The following GABRB2 variants were observed in gnomAD, a reference collection of about 807,000 sequenced individuals.
The protein encoded by GABRB2 is gamma-aminobutyric acid type A receptor subunit beta2.
A neutral mutation model predicts 54.7 loss-of-function variants in GABRB2; 16 were observed. That is an observed-to-expected ratio of 0.29 (90% confidence interval 0.20 to 0.44). The LOEUF is 0.44. Among genes scored for constraint, GABRB2 ranks in the 20% least tolerant of loss-of-function variants. The pLI, the probability that GABRB2 is intolerant of heterozygous loss-of-function variation, is 1.00. For synonymous variants in GABRB2, 244 were observed against 233.8 expected (o/e 1.04, Z -0.40); for missense variants, 355 against 644.0 (o/e 0.55, Z 4.86).
intron 4 of GABRB2, among the ~76,000 whole-genome samples, chr5:161,431,757 C>G (rs1314375242): frequency 6.6e-6 from 1 of 152,112 alleles, no homozygotes; most frequent in Non-Finnish European, 1.5e-5. Flanking sequence ...TCCTTAGATT[C>G]ATTTGAAAAT....
intron 9 of GABRB2, 105 bp downstream of exon 9, chr5:161,326,263 T>C: frequency 6.7e-7 from 1 of 1,503,250 alleles, no homozygotes; most frequent in Non-Finnish European, 9.0e-7. Context: ...TGGATACATG[T>C]TCATAGGTTA....
chr5:161,462,332 A>G (rs906177495), intron 3 of GABRB2, among the ~76,000 whole-genome samples: 1 of 152,216 alleles, frequency 6.6e-6, no homozygotes, highest in East Asian at 1.9e-4. Context: ...GAATTATATA[A>G]CTAGAAAACA....
chr5:161,514,112 G>T (rs569803122), intron 3 of GABRB2, among the ~76,000 whole-genome samples: 1 of 152,220 alleles, frequency 6.6e-6, no homozygotes, highest in South Asian at 2.1e-4. Flanking sequence ...CTTCATGATC[G>T]CAGCTCCAGG....
At position 161,533,496 on chromosome 5, in the gene GABRB2, T is replaced by A. The variant is rs190397534; in HGVS notation, c.237+11731A>T. On this transcript the variant is annotated intron_variant, in intron 3 of 9. Transcript: ENST00000393959. ...ATAGCTGTATAAATATGAGTTAGAG[T>A]CATATAAAGCTTAAAAAATAGATTT... Among the ~76,000 whole-genome samples the A allele has an allele frequency of 1.1e-3, 173 of 152,170 alleles. 1 individual carries two copies. Among genetic ancestry groups the A allele is most frequent in the African/African-American group, 3.1e-3 (127 of 41,548 alleles).
intron 4 of GABRB2, among the ~76,000 whole-genome samples, chr5:161,436,394 A>G (rs1055283069): frequency 2.0e-5 from 3 of 152,026 alleles, no homozygotes; most frequent in African/African-American, 7.2e-5. Context: ...TTATCTGGGC[A>G]TGGTGGCACA....
chr5:161,317,370 C>G (rs1043690748), intron 9 of GABRB2, among the ~76,000 whole-genome samples: 1 of 152,004 alleles, frequency 6.6e-6, no homozygotes, highest in Non-Finnish European at 1.5e-5. Flanking sequence ...GCAGAAGTGC[C>G]CCTACCATCC....
chr5:161,331,738 TGGG>T (rs1219359252), intron 7 of GABRB2, among the ~76,000 whole-genome samples: 1 of 151,850 alleles, frequency 6.6e-6, no homozygotes, highest in African/African-American at 2.4e-5. Context: ...GAGAGCCTAA[TGGG>T]GGAGTTTGAA....
intron 5 of GABRB2, among the ~76,000 whole-genome samples, chr5:161,367,107 T>C (rs1314099658): frequency 6.6e-6 from 1 of 152,188 alleles, no homozygotes; most frequent in Non-Finnish European, 1.5e-5. Flanking sequence ...TGAGAGACAA[T>C]AACATATTTT....
intron 3 of GABRB2, among the ~76,000 whole-genome samples, chr5:161,477,787 T>C (rs796742608): frequency 2.6e-5 from 4 of 151,922 alleles, no homozygotes; most frequent in South Asian, 4.1e-4. Context: ...AGTAGCATAG[T>C]GGTTTTCAGG....
chr5:161,516,533 A>T (rs55701147), intron 3 of GABRB2, among the ~76,000 whole-genome samples: 9 of 152,196 alleles, frequency 5.9e-5, no homozygotes, highest in African/African-American at 1.9e-4. Context: ...AAGATAAATA[A>T]TAAGGGAGCA....
At chr5:161,324,354 A>T (rs752419056) in intron 9 of GABRB2, among the ~76,000 whole-genome samples, 32 of 152,280 alleles carry the variant, frequency 2.1e-4, no homozygotes, top group Non-Finnish European at 1.2e-4. Context: ...TATAGAACTA[A>T]ATAAAATCTG....
chr5:161,355,437 TA>T (rs1280006313), intron 5 of GABRB2, among the ~76,000 whole-genome samples: 1 of 150,984 alleles, frequency 6.6e-6, no homozygotes, highest in African/African-American at 2.4e-5. Flanking sequence ...CATATGTATA[TA>T]ACACACACAT....
intron 4 of GABRB2, among the ~76,000 whole-genome samples, chr5:161,426,198 G>T (rs1756994036): frequency 6.6e-6 from 1 of 152,262 alleles, no homozygotes; most frequent in Middle Eastern, 3.4e-3. Context: ...CTCTTGCTAT[G>T]TAGAGGAGCT....
At position 161,293,983 on chromosome 5, in the gene GABRB2, C is replaced by G. The variant is rs1215092542; in HGVS notation, c.*98G>C. The G allele has an allele frequency of 1.1e-6, 1 of 948,986 alleles. No individual in the cohort carries two copies. 58.8% of individuals were successfully genotyped at this position (948,986 alleles called of 1,614,324 possible). On this transcript the variant is annotated 3_prime_UTR_variant, in exon 10 of 10. Transcript: ENST00000393959. ...CAGCAACTAAGGTATTTTAGCGTCACTTTTGTCCTGGATTGATGTGTTTTC... is the reference window on the plus strand; with the variant it reads ...CAGCAACTAAGGTATTTTAGCGTCAGTTTTGTCCTGGATTGATGTGTTTTC...
intron 5 of GABRB2, among the ~76,000 whole-genome samples, chr5:161,379,580 T>C (rs1755406487): frequency 6.6e-6 from 1 of 152,194 alleles, no homozygotes; most frequent in African/African-American, 2.4e-5. Flanking sequence ...TTCTATTATG[T>C]TGATTCGCCT....
chr5:161,421,226 C>A (rs1036359961), intron 4 of GABRB2, among the ~76,000 whole-genome samples: 1 of 152,158 alleles, frequency 6.6e-6, no homozygotes, highest in Admixed American at 6.5e-5. Flanking sequence ...GGACCACCAC[C>A]TGTGAAAGAA....
intron 6 of GABRB2, 59 bp from the exon 7 acceptor site, chr5:161,334,963 T>C: frequency 6.5e-7 from 1 of 1,539,228 alleles, no homozygotes; most frequent in Non-Finnish European, 8.9e-7. Context: ...GATACTTTTC[T>C]TTAAAGGTGC....
chr5:161,323,863 T>A (rs980000902), intron 9 of GABRB2, among the ~76,000 whole-genome samples: 3 of 152,218 alleles, frequency 2.0e-5, no homozygotes, highest in Non-Finnish European at 4.4e-5. Context: ...TAAACTATCA[T>A]AGAACCTTTC....
intron 3 of GABRB2, among the ~76,000 whole-genome samples, chr5:161,477,364 T>A (rs1185307019): frequency 6.7e-6 from 1 of 148,328 alleles, no homozygotes. Context: ...GGTAGGAAAG[T>A]AAAATGGTGC....
Sources: gnomAD v4.1 joint callset for allele counts (sites outside exome capture counted in the v4.1 genomes callset) on GRCh38, gnomAD v4.1.1 for gene constraint, MANE v1.5 for transcripts, NCBI Gene and HGNC (gene_info 2026-07-23, HGNC 2026-07-21) for gene names.